STK25: variants seen among roughly 807,000 people sequenced by gnomAD.
STK25 encodes serine/threonine-protein kinase 25.
A neutral mutation model predicts 53.8 loss-of-function variants in STK25; 29 were observed. The ratio of observed to expected loss-of-function variants is 0.54; its 90% CI spans 0.40 to 0.74. STK25 has a LOEUF of 0.74. Ranked by LOEUF, STK25 falls within the 30% of genes least tolerant of loss-of-function variation. The pLI, the probability that STK25 is intolerant of heterozygous loss-of-function variation, is 0.00. For synonymous variants in STK25, 247 were observed against 238.3 expected (o/e 1.04, Z -0.33); for missense variants, 420 against 568.0 (o/e 0.74, Z 2.65).
upstream of STK25, chr2:241,508,631 G>A (rs989634582): frequency 5.7e-5 from 56 of 986,752 alleles, no homozygotes; most frequent in Non-Finnish European, 6.0e-5. Flanking sequence ...GCCCGCGCAC[G>A]GCTCTCTGGG....
chr2:241,498,794 G>T lies in STK25; in HGVS notation c.772-10C>A, dbSNP rs751099744. 5.0e-6 allele frequency: 8 copies of T among 1,613,664 alleles called. No homozygotes were observed. The East Asian group carries it at 1.6e-4, about 31-fold the overall frequency. On this transcript the variant is annotated splice_polypyrimidine_tract_variant and intron_variant, in intron 7 of 11. Coordinates refer to ENST00000316586, the MANE Select transcript of STK25 (RefSeq NM_001271977.2). ...CCTTGGCCGTGGGCCGCTGCAGGGGGTCAGGGGAACACTAGTCACTGGGCC... is the reference window on the plus strand; with the variant it reads ...CCTTGGCCGTGGGCCGCTGCAGGGGTTCAGGGGAACACTAGTCACTGGGCC...
At position 241,493,420 on chromosome 2, in the gene STK25, C is replaced by T. The variant is rs766784079; in HGVS notation, c.*2242G>A. On this transcript the variant is annotated 3_prime_UTR_variant, in exon 12 of 12. Transcript: ENST00000316586. ...AAATCCCACGTCTACTTCTTCCGGG[C>T]TGAGAGCAAGTACACATTTGAAAGG... 2.4e-5 allele frequency: 39 copies of T among 1,613,740 alleles called. No homozygotes were observed. In the Admixed American group the frequency reaches 6.5e-4, roughly 27 times the overall value.
chr2:241,498,535 T>C (rs2065314896), intron 8 of STK25, 104 bp downstream of exon 8: 2 of 1,440,944 alleles, frequency 1.4e-6, no homozygotes, highest in Non-Finnish European at 1.9e-6. Flanking sequence ...CCCAACACTA[T>C]ATCTGGTCAC....
chr2:241,499,365 A>T lies in STK25; in HGVS notation c.477T>A (p.Phe159Leu). 6.2e-7 allele frequency: 1 copy of T among 1,613,848 alleles called. No homozygotes were observed. Among genetic ancestry groups the T allele is most frequent in the Non-Finnish European group, 8.5e-7 (1 of 1,179,918 alleles). ...TGTCTGTGAGCTGCCCTGCTACCCC[A>T]AAGTCCGCCAGCTTCACGTCACCCT... ...SEQGDVKLAD[F>L]GVAGQLTDTQ... The change falls in exon 6 of 12, where the codon TTT becomes TTA. Residue 159 changes from phenylalanine to leucine, a missense_variant. Coordinates refer to ENST00000316586, the MANE Select transcript of STK25 (RefSeq NM_001271977.2).
rs1251888097 is a variant in STK25, at chr2:241,496,265, C to T, written c.1241+133G>A. On this transcript the variant is annotated intron_variant, in intron 11 of 11. Transcript: ENST00000316586. The surrounding 1 kb of genome is among the most constrained non-coding windows in gnomAD (Gnocchi z 5.8). ...AAACAAGGAAGAGGATGCCACGCCG[C>T]GCCTTCCCAGAGTGAAGCGAGCCCA... 4.3e-5 allele frequency: 48 copies of T among 1,116,492 alleles called. No individual in the cohort carries two copies. The East Asian group carries it at 9.0e-4, about 21-fold the overall frequency. 69.2% of individuals were successfully genotyped at this position (1,116,492 alleles called of 1,614,324 possible). A position where few individuals can be genotyped will look rare whatever the true frequency, so the allele number is the denominator to read the frequency against.
chr2:241,508,453 C>G lies in STK25; in HGVS notation c.-111G>C. 2 of 1,085,168 alleles carry G rather than the reference C, an allele frequency of 1.8e-6. No individual in the cohort carries two copies. Among genetic ancestry groups the G allele is most frequent in the South Asian group, 4.7e-5 (2 of 42,258 alleles). The allele number at this position is 1,085,168 out of a possible 1,614,324, so 67.2% of individuals were successfully genotyped here. A position where few individuals can be genotyped will look rare whatever the true frequency, so the allele number is the denominator to read the frequency against. ...CGGCAGCGCGCCCACCTCCGCGGGGCTCCATCCCGGCCTCCCCCGGCCCGC... is the reference window on the plus strand; with the variant it reads ...CGGCAGCGCGCCCACCTCCGCGGGGGTCCATCCCGGCCTCCCCCGGCCCGC... On this transcript the variant is annotated 5_prime_UTR_variant, in exon 1 of 12. Coordinates refer to ENST00000316586, the MANE Select transcript of STK25 (RefSeq NM_001271977.2).
chr2:241,504,336 G>A (rs1449213879), intron 2 of STK25, among the ~76,000 whole-genome samples: 3 of 152,148 alleles, frequency 2.0e-5, no homozygotes, highest in Non-Finnish European at 4.4e-5. Context: ...CCTAAAGCCA[G>A]TACCCATGGA....
chr2:241,508,804 G>A (rs2066014355), upstream of STK25: 1 of 963,698 alleles, frequency 1.0e-6, no homozygotes, highest in Non-Finnish European at 1.2e-6. Flanking sequence ...TCTCCCGGCA[G>A]GCCGCGCGCC....
At chr2:241,500,413 C>G in intron 4 of STK25, 132 bp from the exon 5 acceptor site, 1 of 664,498 alleles carries the variant, frequency 1.5e-6, no homozygotes, top group South Asian at 1.8e-5. Flanking sequence ...ACTTCCCAAA[C>G]AGAACTAAGT....
chr2:241,500,805 G>A lies in STK25; in HGVS notation c.262-9C>T, dbSNP rs567632956. On this transcript the variant is annotated splice_polypyrimidine_tract_variant and intron_variant, in intron 3 of 11. Coordinates refer to ENST00000316586, the MANE Select transcript of STK25 (RefSeq NM_001271977.2). ...ATCCATAGCTTGGTGCTCTGGGACC[G>A]GAGACAAACCCATCAGCATTTGGCA... is the stretch of plus-strand genomic sequence containing the variant. 217 of 1,613,364 alleles carry A rather than the reference G, an allele frequency of 1.3e-4. No homozygotes were observed. Among genetic ancestry groups the A allele is most frequent in the South Asian group, 2.7e-4 (25 of 90,990 alleles).
chr2:241,492,884 T>C lies in STK25; in HGVS notation c.*2778A>G. 8.9e-7 allele frequency: 1 copy of C among 1,122,262 alleles called. No homozygotes were observed. The highest frequency in any genetic ancestry group is 1.5e-5 in the African/African-American group (1 of 65,682). 69.5% of individuals were successfully genotyped at this position (1,122,262 alleles called of 1,614,324 possible). ...GGAGCAAACCCACTCCCACAAGGGG[T>C]CCTGGGTGCTGGTTAATGCACCTGC... On this transcript the variant is annotated 3_prime_UTR_variant, in exon 12 of 12. Coordinates refer to ENST00000316586, the MANE Select transcript of STK25 (RefSeq NM_001271977.2).
At position 241,493,386 on chromosome 2, in the gene STK25, C is replaced by T. The variant is rs765327815; in HGVS notation, c.*2276G>A. On this transcript the variant is annotated 3_prime_UTR_variant, in exon 12 of 12. Coordinates refer to ENST00000316586, the MANE Select transcript of STK25 (RefSeq NM_001271977.2). ...CATACACAAAGACTATGTTTTCAAG[C>T]TCCAGTTCAAATCCCACGTCTACTT... The T allele has an allele frequency of 1.5e-5, 24 of 1,613,860 alleles. No homozygotes were observed. The African/African-American group carries it at 2.0e-4, about 13-fold the overall frequency.
chr2:241,494,028 G>A lies in STK25; in HGVS notation c.*1634C>T. 1 of 1,396,990 alleles carries A rather than the reference G, an allele frequency of 7.2e-7. No individual in the cohort carries two copies. Among genetic ancestry groups the A allele is most frequent in the Non-Finnish European group, 9.3e-7 (1 of 1,072,988 alleles). 86.5% of individuals were successfully genotyped at this position (1,396,990 alleles called of 1,614,324 possible). On this transcript the variant is annotated 3_prime_UTR_variant, in exon 12 of 12. Transcript: ENST00000316586. The surrounding 1 kb of genome is among the most constrained non-coding windows in gnomAD (Gnocchi z 4.9). ...TCCAGGTGGATGGAGGTGATCCAGG[G>A]GGCCAGCAGCTCAGCCGGGAGGGCC...
chr2:241,498,491 C>G (rs1395139485), intron 8 of STK25, 142 bp from the exon 9 acceptor site: 2 of 1,261,274 alleles, frequency 1.6e-6, no homozygotes, highest in Non-Finnish European at 2.2e-6. Context: ...GATGCCTCAG[C>G]AGGCCCTGTC....
At chr2:241,506,359 C>T (rs1412330883) in intron 2 of STK25, among the ~76,000 whole-genome samples, 2 of 152,258 alleles carry the variant, frequency 1.3e-5, no homozygotes, top group Admixed American at 6.5e-5. Context: ...AATGTGCCCG[C>T]ACTCCCTTCC....
rs148983962 is a variant in STK25 at position 241,500,170 on chromosome 2, G to C, written c.427+3C>G. The C allele has an allele frequency of 2.2e-5, 36 of 1,612,642 alleles. No individual in the cohort carries two copies. In the African/African-American group the frequency reaches 3.3e-4, roughly 15 times the overall value. ...CAAGAGCCACATCCACCCCCAGCAG[G>C]ACCTTTGATGTCTCGGTGGATCTTG... On this transcript the variant is annotated splice_donor_region_variant and intron_variant, in intron 5 of 11. Coordinates refer to ENST00000316586, the MANE Select transcript of STK25 (RefSeq NM_001271977.2).
chr2:241,501,864 T>C lies in STK25; in HGVS notation c.31-156A>G. ...CTTCTCTGGTTTCTTCCTTTCTCCC[T>C]TTTTGTTCAAAAACTAAACTTGGCC... is the stretch of plus-strand genomic sequence containing the variant. On this transcript the variant is annotated intron_variant, in intron 2 of 11. Coordinates refer to ENST00000316586, the MANE Select transcript of STK25 (RefSeq NM_001271977.2). This position sits in a 1 kb window ranked among gnomAD's most constrained non-coding sequence, Gnocchi z 5.3. 3 of 613,218 alleles carry C rather than the reference T, an allele frequency of 4.9e-6. No individual in the cohort carries two copies. The highest frequency in any genetic ancestry group is 8.5e-6 in the Non-Finnish European group (3 of 351,014). The allele number at this position is 613,218 out of a possible 1,614,324, so 38.0% of individuals were successfully genotyped here.
chr2:241,497,513 G>T, intron 10 of STK25, 103 bp downstream of exon 10: 1 of 1,229,694 alleles, frequency 8.1e-7, no homozygotes, highest in Non-Finnish European at 1.2e-6. Flanking sequence ...AAAGCTAGAA[G>T]CTGAAACCAC....
chr2:241,500,269 G>A lies in STK25; in HGVS notation c.331C>T (p.Pro111Ser). The A allele has an allele frequency of 1.2e-6, 2 of 1,613,810 alleles. No individual in the cohort carries two copies. The highest frequency in any genetic ancestry group is 1.1e-5 in the South Asian group (1 of 91,074). ...GTGGCAATGTATGTCTCCTCCAGGG[G>A]ACCTGGTTTAAGCTGGAGAGGAAGG... ...GSALDLLKPG[P>S]LEETYIATIL... The change falls in exon 5 of 12, where the codon CCC (proline) becomes TCC (serine). Residue 111 changes from proline (P) to serine (S), a missense_variant. Pro to Ser is a moderately conservative substitution (Grantham distance 74). Transcript: ENST00000316586.
Sources: gnomAD v4.1 joint callset for allele counts (sites outside exome capture counted in the v4.1 genomes callset) on GRCh38, gnomAD v4.1.1 for gene constraint, Gnocchi (gnomAD v3.1) non-coding constraint, MANE v1.5 for transcripts, NCBI Gene and HGNC (gene_info 2026-07-23, HGNC 2026-07-21) for gene names.